Variants in FRMD5 observed in about 807,000 individuals in gnomAD.
FRMD5 encodes the protein FERM domain containing 5, also known as FERM domain-containing protein 5.
In FRMD5, 20 loss-of-function variants were observed where a neutral mutation model predicts 69.0. That is an observed-to-expected ratio of 0.29 (90% confidence interval 0.20 to 0.42). The LOEUF is 0.42. Ranked by LOEUF, FRMD5 falls within the 10% of genes least tolerant of loss-of-function variation. The pLI, the probability that FRMD5 is intolerant of heterozygous loss-of-function variation, is 1.00. For synonymous variants in FRMD5, 271 were observed against 260.1 expected (o/e 1.04, Z -0.40); for missense variants, 595 against 708.6 (o/e 0.84, Z 1.82).
chr15:44,095,185 C>G (rs28525216), intron 1 of FRMD5, among the ~76,000 whole-genome samples: 11,725 of 151,746 alleles, frequency 0.077, 747 homozygotes, highest in East Asian at 0.17. Flanking sequence ...CAAGCACCTC[C>G]AGGGGATTCA....
At chr15:44,116,035 C>T (rs1383942908) in intron 1 of FRMD5, among the ~76,000 whole-genome samples, 2 of 152,064 alleles carry the variant, frequency 1.3e-5, no homozygotes, top group African/African-American at 4.8e-5. Context: ...CCTGTTCTGT[C>T]ACCCCTATTT....
At chr15:43,951,696 G>GC (rs2090031889) in intron 1 of FRMD5, among the ~76,000 whole-genome samples, 1 of 152,102 alleles carries the variant, frequency 6.6e-6, no homozygotes, top group Admixed American at 6.5e-5. Context: ...ATGCTTTTGA[G>GC]CCTTAAACTG....
chr15:43,999,963 T>TATATATTCCATGC (rs1555392737), intron 1 of FRMD5, among the ~76,000 whole-genome samples: 1 of 75,990 alleles, frequency 1.3e-5, no homozygotes, highest in African/African-American at 7.6e-5. Context: ...CATATATATA[T>TATATATTCCATGC]ATATATATAT....
chr15:44,043,859 G>A (rs1892314761), intron 1 of FRMD5, among the ~76,000 whole-genome samples: 1 of 152,118 alleles, frequency 6.6e-6, no homozygotes, highest in Non-Finnish European at 1.5e-5. Flanking sequence ...CAGGACATAG[G>A]AGTGGGCAAA....
Position 43,873,817 on chromosome 15 carries a change from C to G in FRMD5, c.*68G>C. Reference sequence around the variant, plus strand: ...GTGCCGATGGTTCCGCGATGGGTCCCATTGCTGGGAATGGGTAGCCGGGTT... The same window carrying G: ...GTGCCGATGGTTCCGCGATGGGTCCGATTGCTGGGAATGGGTAGCCGGGTT... On this transcript the variant is annotated 3_prime_UTR_variant, in exon 14 of 14. Transcript: ENST00000417257. The G allele has an allele frequency of 1.3e-6, 2 of 1,585,698 alleles. No individual in the cohort carries two copies.
intron 1 of FRMD5, among the ~76,000 whole-genome samples, chr15:44,036,073 T>C (rs973891538): frequency 6.6e-6 from 1 of 152,102 alleles, no homozygotes; most frequent in African/African-American, 2.4e-5. Context: ...GTCACAAAAA[T>C]TAAAGGAACA....
intron 1 of FRMD5, among the ~76,000 whole-genome samples, chr15:43,970,458 C>T (rs2090357620): frequency 6.6e-6 from 1 of 151,990 alleles, no homozygotes. Flanking sequence ...AGCATTTTAC[C>T]CCATTATTTC....
chr15:43,872,889 T>A lies in FRMD5; in HGVS notation c.*996A>T, dbSNP rs186058482. 9.7e-4 allele frequency: 351 copies of A among 360,398 alleles called. 1 individual carries two copies. The highest frequency in any genetic ancestry group is 6.7e-3 in the African/African-American group (321 of 48,042). 22.3% of individuals were successfully genotyped at this position (360,398 alleles called of 1,614,324 possible). ...TAACATTTCGTTGTTAAAATATAAA[T>A]TGAAATAGTCTTTGGGTCAAGGGGG... is the stretch of plus-strand genomic sequence containing the variant. On this transcript the variant is annotated 3_prime_UTR_variant, in exon 14 of 14. Transcript: ENST00000417257.
rs948126245 is a variant in FRMD5 at position 44,189,094 on chromosome 15, T to G, written c.102+5859A>C. 2.6e-5 allele frequency among the ~76,000 whole-genome samples: 4 copies of G among 152,206 alleles called. No homozygotes were observed. In the East Asian group the frequency reaches 7.7e-4, roughly 29 times the overall value. ...CACGGAAGGATCTCTTTAGAGAACT[T>G]GATTCACACAAGTTTGTGTTTAGTC... On this transcript the variant is annotated intron_variant, in intron 1 of 13. Coordinates refer to ENST00000417257, the MANE Select transcript of FRMD5 (RefSeq NM_032892.5).
chr15:44,068,873 G>C (rs188866721), intron 1 of FRMD5, among the ~76,000 whole-genome samples: 201 of 152,236 alleles, frequency 1.3e-3, no homozygotes, highest in African/African-American at 4.5e-3. Flanking sequence ...TCAGATGTGA[G>C]GGTTACTGTG....
intron 7 of FRMD5, among the ~76,000 whole-genome samples, chr15:43,897,817 G>A (rs1310470349): frequency 1.3e-5 from 2 of 152,126 alleles, no homozygotes; most frequent in East Asian, 3.9e-4. Flanking sequence ...GGGACCTGGT[G>A]GGAGGTGATT....
At chr15:44,181,085 G>A (rs2077992308) in intron 1 of FRMD5, among the ~76,000 whole-genome samples, 1 of 152,096 alleles carries the variant, frequency 6.6e-6, no homozygotes. Flanking sequence ...TGTTGCCCAG[G>A]CTAGAGTACA....
chr15:44,173,072 A>G (rs779408126), intron 1 of FRMD5, among the ~76,000 whole-genome samples: 1 of 152,206 alleles, frequency 6.6e-6, no homozygotes, highest in Non-Finnish European at 1.5e-5. Context: ...CATGTCTACA[A>G]AATATATCAT....
At chr15:44,146,804 G>C (rs574924753) in intron 1 of FRMD5, among the ~76,000 whole-genome samples, 1 of 152,234 alleles carries the variant, frequency 6.6e-6, no homozygotes, top group African/African-American at 2.4e-5. Context: ...CTTTTAAGAA[G>C]TATCTGTTCA....
At chr15:43,901,930 C>A (rs2089055015) in intron 7 of FRMD5, 2 of 479,328 alleles carry the variant, frequency 4.2e-6, no homozygotes, top group Non-Finnish European at 7.4e-6. Flanking sequence ...TTGCGGGGCC[C>A]TAGCTTTGGA....
At chr15:44,141,311 C>T (rs2077270797) in intron 1 of FRMD5, among the ~76,000 whole-genome samples, 1 of 152,018 alleles carries the variant, frequency 6.6e-6, no homozygotes, top group Non-Finnish European at 1.5e-5. Context: ...ATAGCCAAGA[C>T]AATTTGAAAG....
chr15:44,111,621 T>C (rs2076797187), intron 1 of FRMD5, among the ~76,000 whole-genome samples: 1 of 152,182 alleles, frequency 6.6e-6, no homozygotes, highest in Non-Finnish European at 1.5e-5. Flanking sequence ...TTAAAGTTGT[T>C]CTTAATCACC....
At chr15:43,996,256 T>TA (rs1312944191) in intron 1 of FRMD5, among the ~76,000 whole-genome samples, 1 of 152,052 alleles carries the variant, frequency 6.6e-6, no homozygotes, top group Non-Finnish European at 1.5e-5. Context: ...CTTGGAAGCC[T>TA]AGTCTGTAGG....
chr15:44,000,534 A>ACCGCAACCTCTGCCTCC (rs1319900379), intron 1 of FRMD5, among the ~76,000 whole-genome samples: 3 of 150,284 alleles, frequency 2.0e-5, no homozygotes, highest in Non-Finnish European at 4.4e-5. Context: ...ATCTCGGCTC[A>ACCGCAACCTCTGCCTCC]CCGCAACCTC....
Sources: allele counts gnomAD v4.1 joint callset (sites outside exome capture counted in the v4.1 genomes callset), GRCh38; gene constraint gnomAD v4.1.1; transcripts MANE v1.5; gene names NCBI Gene and HGNC (gene_info 2026-07-23, HGNC 2026-07-21).